LRPPRC: variants seen among roughly 807,000 people sequenced by gnomAD.
LRPPRC encodes leucine-rich PPR motif-containing protein, mitochondrial.
A neutral mutation model predicts 180.3 loss-of-function variants in LRPPRC; 120 were observed. The ratio of observed to expected loss-of-function variants is 0.67; its 90% CI spans 0.57 to 0.77. LRPPRC has a LOEUF of 0.77. LRPPRC is among the 30% of genes least tolerant of loss of function. LRPPRC has a pLI of 0.00. For synonymous variants in LRPPRC, 723 were observed against 600.0 expected, an observed-to-expected ratio of 1.21 and a Z score of -3.00; for missense variants, 2,012 against 1,657.2, an observed-to-expected ratio of 1.21 and a Z score of -3.72.
chr2:43,903,832 G>A (rs1670971866), intron 31 of LRPPRC: 1 of 152,184 alleles, frequency 6.6e-6, no homozygotes, highest in Non-Finnish European at 1.5e-5. Flanking sequence ...CATGTCTACA[G>A]AAACAAAAGC....
intron 30 of LRPPRC, among the ~76,000 whole-genome samples, chr2:43,908,579 T>A (rs1671142558): frequency 6.6e-6 from 1 of 151,848 alleles, no homozygotes. Flanking sequence ...TGGAGTGCAG[T>A]GGCGCAATCT....
At chr2:43,892,987 C>G (rs2104976462) in intron 36 of LRPPRC, among the ~76,000 whole-genome samples, 1 of 152,232 alleles carries the variant, frequency 6.6e-6, no homozygotes, top group African/African-American at 2.4e-5. Context: ...TTGGGAGAAG[C>G]TGATTTCAAC....
chr2:43,900,340 A>G (rs370331166), intron 32 of LRPPRC, among the ~76,000 whole-genome samples: 1 of 152,268 alleles, frequency 6.6e-6, no homozygotes, highest in South Asian at 2.1e-4. Flanking sequence ...TACTAAATCC[A>G]ATCAGTCAAT....
intron 13 of LRPPRC, among the ~76,000 whole-genome samples, chr2:43,959,908 T>C (rs1673269692): frequency 6.6e-6 from 1 of 151,978 alleles, no homozygotes; most frequent in Non-Finnish European, 1.5e-5. Flanking sequence ...TAAAATAAAA[T>C]AAAGTGCAGT....
chr2:43,983,831 T>C (rs555608883), intron 1 of LRPPRC, among the ~76,000 whole-genome samples: 1 of 152,292 alleles, frequency 6.6e-6, no homozygotes, highest in South Asian at 2.1e-4. Flanking sequence ...CTCAAGTTTA[T>C]ATAAAACGAG....
rs1673263579 is a variant in LRPPRC at position 43,959,787 on chromosome 2, G to A, written c.1582+754C>T. ...TAATCCCAGCTACTCGGGAGGCTGAGGCAGGAGAATCGCTTCAACTCAGGA... is the reference window on the plus strand; with the variant it reads ...TAATCCCAGCTACTCGGGAGGCTGAAGCAGGAGAATCGCTTCAACTCAGGA... On this transcript the variant is annotated intron_variant, in intron 13 of 37. Coordinates refer to ENST00000260665, the MANE Select transcript of LRPPRC (RefSeq NM_133259.4). 2.0e-5 allele frequency among the ~76,000 whole-genome samples: 3 copies of A among 152,138 alleles called. No homozygotes were observed. In the South Asian group the frequency reaches 6.2e-4, roughly 32 times the overall value.
At chr2:43,976,358 C>T in intron 5 of LRPPRC, 129 bp from the exon 6 acceptor site, 1 of 658,078 alleles carries the variant, frequency 1.5e-6, no homozygotes, top group Non-Finnish European at 2.7e-6. Flanking sequence ...GTTTTAGAAA[C>T]CACAAAGAAA....
In LRPPRC at chr2:43,948,171, C is replaced by T. The variant is rs1197199988; in HGVS notation, c.1871G>A (p.Arg624Lys). 2 of 1,607,290 alleles carry T rather than the reference C, an allele frequency of 1.2e-6. No homozygotes were observed. Among genetic ancestry groups the T allele is most frequent in the Admixed American group, 3.3e-5 (2 of 59,964 alleles). ...GCTTTCCAGGAGATTACGAATGCCT[C>T]TGTAGATATTTTCAGGAATTTTTAC... The part of the protein sequence containing the change: ...MNVKIPENIY[R>K]GIRNLLESYH... The change falls in exon 18 of 38, where the codon AGA becomes AAA. Residue 624 changes from arginine (R) to lysine (K), a missense_variant. Transcript: ENST00000260665.
chr2:43,896,405 C>T (rs1340359152), intron 35 of LRPPRC: 1 of 416,008 alleles, frequency 2.4e-6, no homozygotes, highest in Non-Finnish European at 4.4e-6. Context: ...TTTCTTGGGG[C>T]TCTCAATGCA....
At chr2:43,988,514 CAGTAA>C (rs1208863304) in intron 1 of LRPPRC, among the ~76,000 whole-genome samples, 2 of 152,090 alleles carry the variant, frequency 1.3e-5, no homozygotes, top group African/African-American at 4.8e-5. Context: ...TCAATCTGGG[CAGTAA>C]GAGCGAAACT....
chr2:43,909,986 G>A (rs1671200285), intron 30 of LRPPRC, among the ~76,000 whole-genome samples: 1 of 152,096 alleles, frequency 6.6e-6, no homozygotes, highest in African/African-American at 2.4e-5. Context: ...CCAATCCACA[G>A]ATACATACAC....
At position 43,948,371 on chromosome 2, in the gene LRPPRC, C is replaced by A. The variant is rs371628857; in HGVS notation, c.1842+41G>T. Reference sequence around the variant, plus strand: ...AATTTCAAATCTAATAGATACATGTCAGGCAGGACAGGCATTATATAGCAA... The same window carrying A: ...AATTTCAAATCTAATAGATACATGTAAGGCAGGACAGGCATTATATAGCAA... On this transcript the variant is annotated intron_variant, in intron 17 of 37. Transcript: ENST00000260665. 1.4e-5 allele frequency: 17 copies of A among 1,200,000 alleles called. No homozygotes were observed. The African/African-American group carries it at 2.4e-4, about 17-fold the overall frequency. The allele number at this position is 1,200,000 out of a possible 1,614,324, so 74.3% of individuals were successfully genotyped here.
In LRPPRC at chr2:43,961,497, T is replaced by C. The variant is rs185444458; in HGVS notation, c.1489-863A>G. Among the ~76,000 whole-genome samples, 36 of 152,346 alleles carry C rather than the reference T, an allele frequency of 2.4e-4. 1 individual carries two copies. Among genetic ancestry groups the C allele is most frequent in the African/African-American group, 8.2e-4 (34 of 41,574 alleles). ...GCTAAAAGAGATTTCTCCAGCCTAG[T>C]ATACATCTGAAAGAACATACATGCT... On this transcript the variant is annotated intron_variant, in intron 12 of 37. Transcript: ENST00000260665.
intron 11 of LRPPRC, among the ~76,000 whole-genome samples, chr2:43,966,869 G>A (rs1176974595): frequency 3.3e-5 from 5 of 150,560 alleles, no homozygotes; most frequent in Non-Finnish European, 7.4e-5. Flanking sequence ...TGGCCAACAT[G>A]GCACAATCCC....
intron 29 of LRPPRC, among the ~76,000 whole-genome samples, chr2:43,916,949 G>A (rs1276753159): frequency 8.6e-5 from 10 of 115,802 alleles, no homozygotes; most frequent in East Asian, 2.6e-4. Flanking sequence ...GTCTCCGGGG[G>A]GAAAAAAAAA....
In LRPPRC at chr2:43,887,592, T is replaced by TCAA. The variant is rs1488264852; in HGVS notation, c.*1005_*1007dup. ...AATGGGGAGAGTTCTCAAAACATTT[T>TCAA]CAACATTTCGGTAATTAATTACCTC... On this transcript the variant is annotated 3_prime_UTR_variant, in exon 38 of 38. Coordinates refer to ENST00000260665, the MANE Select transcript of LRPPRC (RefSeq NM_133259.4). 6.6e-6 allele frequency: 1 copy of TCAA among 152,222 alleles called. No individual in the cohort carries two copies. Among genetic ancestry groups the TCAA allele is most frequent in the African/African-American group, 2.4e-5 (1 of 41,456 alleles). 9.4% of individuals were successfully genotyped at this position (152,222 alleles called of 1,614,324 possible).
At chr2:43,916,973 T>C (rs1671494332) in intron 29 of LRPPRC, among the ~76,000 whole-genome samples, 1 of 128,292 alleles carries the variant, frequency 7.8e-6, no homozygotes, top group Non-Finnish European at 1.6e-5. Context: ...AAAAAAAGAA[T>C]AGTATAATGA....
intron 11 of LRPPRC, among the ~76,000 whole-genome samples, chr2:43,965,639 A>G (rs1179916187): frequency 6.6e-6 from 1 of 152,232 alleles, no homozygotes; most frequent in Non-Finnish European, 1.5e-5. Flanking sequence ...CCTAAAATAT[A>G]TAATAAGGAA....
intron 18 of LRPPRC, 31 bp from the exon 19 acceptor site, chr2:43,947,806 T>G (rs375092654): frequency 7.1e-7 from 1 of 1,409,408 alleles, no homozygotes; most frequent in African/African-American, 1.4e-5. Context: ...AGCCCAGAAT[T>G]AGAAAACACA....
Sources: gnomAD v4.1 joint callset for allele counts (sites outside exome capture counted in the v4.1 genomes callset) on GRCh38, gnomAD v4.1.1 for gene constraint, MANE v1.5 for transcripts, NCBI Gene and HGNC (gene_info 2026-07-23, HGNC 2026-07-21) for gene names.